Variants in FAAH2 observed in about 807,000 individuals in gnomAD.
FAAH2 encodes fatty-acid amide hydrolase 2.
Under a neutral mutation model 36.9 loss-of-function variants are expected in FAAH2, and 60 were observed. That is an observed-to-expected ratio of 1.63 (90% CI 1.32 to 2.02). FAAH2 has a LOEUF of 2.02. FAAH2 is among the 30% of genes most tolerant of loss of function. FAAH2 has a pLI of 0.00. For missense variants in FAAH2, 689 were observed against 397.5 expected, an observed-to-expected ratio of 1.73 and a Z score of -6.23; for synonymous variants, 214 against 143.8, an observed-to-expected ratio of 1.49 and a Z score of -3.49.
the FAAH2 span, among the ~76,000 whole-genome samples, chrX:57,219,796 A>T: frequency 5.0e-5 from 5 of 100,403 alleles, no homozygotes; most frequent in African/African-American, 1.5e-4. Flanking sequence ...ACAGTCCTCT[A>T]GGCTGCCTCA....
chrX:57,245,092 A>G, the FAAH2 span, among the ~76,000 whole-genome samples: 6 of 111,837 alleles, frequency 5.4e-5, no homozygotes, highest in African/African-American at 1.6e-4. Context: ...TAGTCGCTGA[A>G]AAAAACAGAC....
At chrX:57,269,223 G>A in the FAAH2 span, among the ~76,000 whole-genome samples, 14 of 111,198 alleles carry the variant, frequency 1.3e-4, no homozygotes, top group East Asian at 3.9e-3. Context: ...CGATTTATAA[G>A]GCAAGTTCAT....
chrX:57,253,899 A>G, the FAAH2 span, among the ~76,000 whole-genome samples: 1 of 112,065 alleles, frequency 8.9e-6, no homozygotes, highest in Non-Finnish European at 1.9e-5. Flanking sequence ...CATCATAATG[A>G]CAGGGTCAAA....
the FAAH2 span, among the ~76,000 whole-genome samples, chrX:57,140,323 C>A: frequency 2.0e-5 from 2 of 102,170 alleles, no homozygotes; most frequent in Non-Finnish European, 3.9e-5. Flanking sequence ...GGTGTTGTTT[C>A]TTTCTCTTAC....
intron 5 of FAAH2, among the ~76,000 whole-genome samples, chrX:57,356,530 T>C (rs1277400302): frequency 1.8e-5 from 2 of 110,807 alleles, no homozygotes; most frequent in Non-Finnish European, 3.8e-5. Flanking sequence ...GGTTACCAAA[T>C]TTATTGATCT....
intron 2 of FAAH2, among the ~76,000 whole-genome samples, chrX:57,292,805 A>G (rs764197085): frequency 1.3e-4 from 14 of 111,647 alleles, no homozygotes; most frequent in Non-Finnish European, 2.6e-4. Context: ...CTTGATGGCA[A>G]GGACTAAATT....
chrX:57,418,133 A>C (rs2055895223), intron 7 of FAAH2, among the ~76,000 whole-genome samples: 1 of 111,791 alleles, frequency 8.9e-6, no homozygotes, highest in African/African-American at 3.3e-5. Context: ...CACAGTGAGA[A>C]TTTCAAGCCA....
intron 8 of FAAH2, among the ~76,000 whole-genome samples, chrX:57,437,871 G>C (rs923374984): frequency 5.1e-5 from 5 of 97,349 alleles, no homozygotes; most frequent in African/African-American, 7.3e-5. Flanking sequence ...ATATATATCT[G>C]TATACATATA....
the FAAH2 span, among the ~76,000 whole-genome samples, chrX:57,175,920 G>A: frequency 6.3e-5 from 7 of 111,969 alleles, no homozygotes; most frequent in East Asian, 2.0e-3. Context: ...TGGTTTATAA[G>A]GTTTCTGCTT....
chrX:57,218,558 T>C, the FAAH2 span, among the ~76,000 whole-genome samples: 1 of 112,029 alleles, frequency 8.9e-6, no homozygotes, highest in African/African-American at 3.2e-5. Flanking sequence ...CCCACTTGAT[T>C]GTGGTGGATT....
chrX:57,367,127 C>T (rs2054437614), intron 5 of FAAH2, among the ~76,000 whole-genome samples: 1 of 112,457 alleles, frequency 8.9e-6, no homozygotes, highest in South Asian at 3.6e-4. Flanking sequence ...GCTTTTTAAA[C>T]ATTGAAATAT....
intron 1 of FAAH2, 117 bp downstream of exon 1, chrX:57,287,134 AG>A (rs1347140856): frequency 2.6e-6 from 2 of 758,164 alleles, no homozygotes; most frequent in African/African-American, 4.4e-5. Flanking sequence ...GACTTAGGAG[AG>A]GCATTTATTG....
At chrX:57,176,564 A>T in the FAAH2 span, among the ~76,000 whole-genome samples, 10 of 111,239 alleles carry the variant, frequency 9.0e-5, no homozygotes, top group Non-Finnish European at 1.7e-4. Flanking sequence ...TAAATTCTTC[A>T]TCTGGTTTTT....
At chrX:57,410,610 A>G (rs751065345) in intron 7 of FAAH2, among the ~76,000 whole-genome samples, 6 of 111,887 alleles carry the variant, frequency 5.4e-5, no homozygotes, top group Non-Finnish European at 7.5e-5. Context: ...TTATCATTAT[A>G]TAATAACCTC....
chrX:57,158,806 C>G, the FAAH2 span, among the ~76,000 whole-genome samples: 12 of 111,935 alleles, frequency 1.1e-4, no homozygotes, highest in African/African-American at 3.9e-4. Flanking sequence ...CCTATTCACT[C>G]TGATGGTGGT....
At chrX:57,314,599 C>A (rs1445004677) in intron 3 of FAAH2, among the ~76,000 whole-genome samples, 2 of 110,876 alleles carry the variant, frequency 1.8e-5, no homozygotes, top group East Asian at 5.6e-4. Context: ...TACATGGAAA[C>A]TAAACAACTT....
intron 10 of FAAH2, among the ~76,000 whole-genome samples, chrX:57,474,217 C>T (rs2057222032): frequency 9.0e-6 from 1 of 111,170 alleles, no homozygotes; most frequent in Non-Finnish European, 1.9e-5. Flanking sequence ...TTTACATTAA[C>T]TTCTGGGATA....
chrX:57,196,389 A>C, the FAAH2 span, among the ~76,000 whole-genome samples: 5 of 111,979 alleles, frequency 4.5e-5, no homozygotes, highest in Non-Finnish European at 7.5e-5. Context: ...TAGCAGAGCT[A>C]CTAATTTGTG....
the FAAH2 span, among the ~76,000 whole-genome samples, chrX:57,191,018 C>T: frequency 2.0e-4 from 22 of 111,701 alleles, no homozygotes; most frequent in South Asian, 7.6e-3. Flanking sequence ...CATGAGATTA[C>T]TGGTTTGTAT....
Sources: gnomAD v4.1 joint callset for allele counts (sites outside exome capture counted in the v4.1 genomes callset) on GRCh38, gnomAD v4.1.1 for gene constraint, MANE v1.5 for transcripts, NCBI Gene and HGNC (gene_info 2026-07-23, HGNC 2026-07-21) for gene names.